Variants in PRKD2 observed in about 807,000 individuals in gnomAD.
PRKD2 encodes serine/threonine-protein kinase D2.
PRKD2 carries 22 observed loss-of-function variants against 86.0 expected under a neutral mutation model. That is an observed-to-expected ratio of 0.26 (90% CI 0.18 to 0.37). PRKD2 has a LOEUF of 0.37. Among genes scored for constraint, PRKD2 ranks in the 10% least tolerant of loss-of-function variants. PRKD2 has a pLI of 1.00. For synonymous variants in PRKD2, 509 were observed against 510.9 expected, an observed-to-expected ratio of 1.00 and a Z score of 0.05; for missense variants, 818 against 1,199.2, an observed-to-expected ratio of 0.68 and a Z score of 4.70.
intron 9 of PRKD2, among the ~76,000 whole-genome samples, chr19:46,696,457 TTAA>T (rs1226638141): frequency 6.6e-6 from 1 of 151,916 alleles, no homozygotes; most frequent in Non-Finnish European, 1.5e-5. Context: ...ATGCAATACA[TTAA>T]TTATAAAGAA....
rs374250990 is a variant in PRKD2, at chr19:46,697,796, C to T, written c.1176G>A (p.Thr392=). 6.2e-7 allele frequency: 1 copy of T among 1,613,986 alleles called. No individual in the cohort carries two copies. Among genetic ancestry groups the T allele is most frequent in the African/African-American group, 1.3e-5 (1 of 74,914 alleles). Reference sequence around the variant, plus strand: ...CCCGCAGCGTGGTGCTGGATTTCCGCGTCGTGTGTCGCACCGATTGCACCA... The same window carrying T: ...CCCGCAGCGTGGTGCTGGATTTCCGTGTCGTGTGTCGCACCGATTGCACCA... The part of the protein sequence containing the change: ...MRVVQSVRHT[T]RKSSTTLREG... Residue 392 remains threonine, a synonymous_variant, in exon 8 of 18, where the codon ACG becomes ACA. Transcript: ENST00000291281.
At chr19:46,686,342 A>T (rs777128894) in intron 14 of PRKD2, among the ~76,000 whole-genome samples, 9 of 151,170 alleles carry the variant, frequency 6.0e-5, no homozygotes, top group Non-Finnish European at 8.9e-5. Context: ...ACAAAAACAT[A>T]AAAAAAAATT....
chr19:46,713,600 A>C (rs1021268111), intron 2 of PRKD2, among the ~76,000 whole-genome samples: 4 of 151,742 alleles, frequency 2.6e-5, no homozygotes, highest in Admixed American at 6.6e-5. Context: ...ATCTTCCAGA[A>C]GCCCCCAACT....
chr19:46,691,730 C>T lies in PRKD2; in HGVS notation c.1702+5G>A. 3 of 1,612,240 alleles carry T rather than the reference C, an allele frequency of 1.9e-6. No homozygotes were observed. The highest frequency in any genetic ancestry group is 2.5e-6 in the Non-Finnish European group (3 of 1,179,910). Reference sequence around the variant, plus strand: ...CCCTCTGGGTTAGCTCTGAAGTGTCCTCACCTCCATAGACCACTCCAAACT... The same window carrying T: ...CCCTCTGGGTTAGCTCTGAAGTGTCTTCACCTCCATAGACCACTCCAAACT... On this transcript the variant is annotated splice_donor_5th_base_variant and intron_variant, in intron 12 of 17. Coordinates refer to ENST00000291281, the MANE Select transcript of PRKD2 (RefSeq NM_016457.5).
intron 14 of PRKD2, among the ~76,000 whole-genome samples, chr19:46,682,811 C>T (rs1362458616): frequency 2.7e-5 from 4 of 149,810 alleles, no homozygotes; most frequent in African/African-American, 9.8e-5. Flanking sequence ...CTAAATCCAT[C>T]CTCCCACCTC....
intron 3 of PRKD2, among the ~76,000 whole-genome samples, chr19:46,708,852 G>A (rs570373401): frequency 6.6e-6 from 1 of 152,164 alleles, no homozygotes; most frequent in Non-Finnish European, 1.5e-5. Flanking sequence ...ACTAAGACAG[G>A]TGCCAGGTTG....
At chr19:46,679,523 T>C (rs936000427) in intron 15 of PRKD2, among the ~76,000 whole-genome samples, 3 of 152,032 alleles carry the variant, frequency 2.0e-5, no homozygotes, top group Non-Finnish European at 4.4e-5. Flanking sequence ...TATTGGGGGG[T>C]TGTTGATAGC....
chr19:46,705,142 C>T (rs1188269352), intron 3 of PRKD2, among the ~76,000 whole-genome samples: 3 of 151,370 alleles, frequency 2.0e-5, no homozygotes, highest in Admixed American at 6.6e-5. Flanking sequence ...AGGCCCTGAA[C>T]GCGCCTCACA....
At chr19:46,702,439 T>A (rs1341812348) in intron 5 of PRKD2, among the ~76,000 whole-genome samples, 1 of 152,126 alleles carries the variant, frequency 6.6e-6, no homozygotes, top group Non-Finnish European at 1.5e-5. Flanking sequence ...TGTCCAAGAT[T>A]TTAGGGTGTT....
rs1555825242 is a variant in PRKD2, at chr19:46,675,103, T to C, written c.2354A>G (p.Asn785Ser). 5 of 1,610,754 alleles carry C rather than the reference T, an allele frequency of 3.1e-6. No homozygotes were observed. The South Asian group carries it at 5.5e-5, about 18-fold the overall frequency. Residue 785 changes from asparagine (N) to serine (S), a missense_variant, in exon 17 of 18, where the codon AAC becomes AGC. Asn to Ser is a conservative substitution (Grantham distance 46). Transcript: ENST00000291281. Reference protein sequence around the residue: ...HISAGAIDLINNLLQVKMRKR... With the variant: ...HISAGAIDLISNLLQVKMRKR... The stretch of plus-strand genomic sequence containing the variant: ...GCGCATCTTCACCTGCAGCAGGTTG[T>C]TGATGAGGTCAATGGCTGCACAGGA...
At chr19:46,691,078 CTTAGAGT>C (rs1314337039) in intron 12 of PRKD2, among the ~76,000 whole-genome samples, 3 of 152,102 alleles carry the variant, frequency 2.0e-5, no homozygotes, top group South Asian at 4.1e-4. Flanking sequence ...GAAACTGAGT[CTTAGAGT>C]TTAGAGTGTA....
At chr19:46,688,244 C>CTTT (rs2053428712) in intron 14 of PRKD2, among the ~76,000 whole-genome samples, 1 of 151,648 alleles carries the variant, frequency 6.6e-6, no homozygotes, top group African/African-American at 2.4e-5. Flanking sequence ...CTTAAGCAAT[C>CTTT]CTCTGGCCTT....
chr19:46,714,671 A>G (rs1403185629), intron 1 of PRKD2: 1 of 152,506 alleles, frequency 6.6e-6, no homozygotes, highest in Admixed American at 6.5e-5. Context: ...GCCCTAACAC[A>G]CCTGGACCTG....
At chr19:46,695,489 A>T (rs1179294984) in intron 9 of PRKD2, among the ~76,000 whole-genome samples, 1 of 152,208 alleles carries the variant, frequency 6.6e-6, no homozygotes, top group Non-Finnish European at 1.5e-5. Context: ...TCTCAAAAAT[A>T]AACGTTTGAT....
intron 2 of PRKD2, among the ~76,000 whole-genome samples, chr19:46,713,001 C>CT (rs939186503): frequency 6.7e-6 from 1 of 149,628 alleles, no homozygotes. Context: ...GACATCATAA[C>CT]TTTTTTTTTT....
chr19:46,693,729 G>T lies in PRKD2; in HGVS notation c.1576+146C>A. 8.0e-7 allele frequency: 1 copy of T among 1,247,384 alleles called. No individual in the cohort carries two copies. Among genetic ancestry groups the T allele is most frequent in the Non-Finnish European group, 1.1e-6 (1 of 907,340 alleles). 77.3% of individuals were successfully genotyped at this position (1,247,384 alleles called of 1,614,324 possible). A position where few individuals can be genotyped will look rare whatever the true frequency, so the allele number is the denominator to read the frequency against. The stretch of plus-strand genomic sequence containing the variant: ...CTGGGATTAACAGGAGTGATTAACA[G>T]AGTTTGAACCCAGGCCTGCTGAGTC... On this transcript the variant is annotated intron_variant, in intron 10 of 17. Coordinates refer to ENST00000291281, the MANE Select transcript of PRKD2 (RefSeq NM_016457.5). This position sits in a 1 kb window ranked among gnomAD's most constrained non-coding sequence, Gnocchi z 4.5.
At chr19:46,712,761 G>A (rs1160839698) in intron 2 of PRKD2, among the ~76,000 whole-genome samples, 1 of 152,160 alleles carries the variant, frequency 6.6e-6, no homozygotes, top group African/African-American at 2.4e-5. Flanking sequence ...AGGGAAGGCA[G>A]CCATGAAAAA....
chr19:46,689,467 G>A, intron 14 of PRKD2, 70 bp downstream of exon 14: 2 of 1,504,636 alleles, frequency 1.3e-6, no homozygotes, highest in South Asian at 1.2e-5. Flanking sequence ...TGACCCCCTA[G>A]GCATACAGGG....
chr19:46,705,612 C>A (rs1235440357), intron 3 of PRKD2, among the ~76,000 whole-genome samples: 3 of 151,976 alleles, frequency 2.0e-5, no homozygotes, highest in African/African-American at 4.8e-5. Context: ...CATGGCAAAA[C>A]CCCATCTCTA....
Sources: allele counts gnomAD v4.1 joint callset (sites outside exome capture counted in the v4.1 genomes callset), GRCh38; gene constraint gnomAD v4.1.1; non-coding constraint Gnocchi (gnomAD v3.1); transcripts MANE v1.5; gene names NCBI Gene and HGNC (gene_info 2026-07-23, HGNC 2026-07-21).